The following BICC1 variants were observed in gnomAD, a reference collection of about 807,000 sequenced individuals.
BICC1 encodes the protein protein bicaudal C homolog 1.
BICC1 carries 43 observed loss-of-function variants against 111.0 expected under a neutral mutation model. The ratio of observed to expected loss-of-function variants is 0.39; its 90% confidence interval spans 0.30 to 0.50. The LOEUF is 0.50. Among genes scored for constraint, BICC1 ranks in the 20% least tolerant of loss-of-function variants. The pLI is 0.88. For missense variants in BICC1, 1,091 were observed against 1,203.2 expected (o/e 0.91, Z 1.38); for synonymous variants, 467 against 434.4 (o/e 1.07, Z -0.93).
chr10:58,599,277 A>G (rs1210568917), intron 1 of BICC1, among the ~76,000 whole-genome samples: 1 of 152,200 alleles, frequency 6.6e-6, no homozygotes, highest in Non-Finnish European at 1.5e-5. Flanking sequence ...TAGACTGGAT[A>G]AAGAAAATGT....
At chr10:58,635,708 T>G (rs904073007) in intron 2 of BICC1, among the ~76,000 whole-genome samples, 3 of 152,376 alleles carry the variant, frequency 2.0e-5, no homozygotes, top group African/African-American at 7.2e-5. Context: ...CCTACTGATA[T>G]AACTTTGTTT....
intron 20 of BICC1, among the ~76,000 whole-genome samples, chr10:58,827,794 A>G (rs1380298473): frequency 6.6e-6 from 1 of 152,144 alleles, no homozygotes; most frequent in Non-Finnish European, 1.5e-5. Flanking sequence ...ATTATGATGT[A>G]TTTTTGTAAA....
At chr10:58,564,188 T>C (rs1322066743) in intron 1 of BICC1, among the ~76,000 whole-genome samples, 1 of 152,218 alleles carries the variant, frequency 6.6e-6, no homozygotes, top group Non-Finnish European at 1.5e-5. Context: ...TTCTTGACTG[T>C]TTAAAAAATT....
intron 3 of BICC1, among the ~76,000 whole-genome samples, chr10:58,724,672 T>C (rs1197351198): frequency 6.6e-6 from 1 of 152,214 alleles, no homozygotes; most frequent in East Asian, 1.9e-4. Context: ...TTAGCCCTAC[T>C]TGCCCTGTCA....
At chr10:58,532,876 G>T (rs1366908974) in intron 1 of BICC1, among the ~76,000 whole-genome samples, 2 of 151,814 alleles carry the variant, frequency 1.3e-5, no homozygotes, top group Non-Finnish European at 2.9e-5. Context: ...AATTGTAACA[G>T]CAGATGAAAC....
chr10:58,518,578 GTA>G (rs1427324363), intron 1 of BICC1, among the ~76,000 whole-genome samples: 2 of 93,790 alleles, frequency 2.1e-5, no homozygotes, highest in East Asian at 3.5e-4. Context: ...AATCCTTTGT[GTA>G]TGTGTGTGTT....
intron 1 of BICC1, among the ~76,000 whole-genome samples, chr10:58,613,746 G>A (rs1845511962): frequency 6.6e-6 from 1 of 152,130 alleles, no homozygotes; most frequent in African/African-American, 2.4e-5. Flanking sequence ...TTGTGACTGT[G>A]AAAAACTCTC....
chr10:58,672,739 C>T (rs748057165), intron 2 of BICC1, among the ~76,000 whole-genome samples: 1 of 152,138 alleles, frequency 6.6e-6, no homozygotes, highest in Non-Finnish European at 1.5e-5. Context: ...AATGAATGCT[C>T]AGTGATAAAA....
intron 14 of BICC1, 133 bp downstream of exon 14, chr10:58,801,179 TA>T (rs938938445): frequency 6.5e-5 from 48 of 732,928 alleles, no homozygotes; most frequent in Admixed American, 2.0e-4. Context: ...TTAACTTTTT[TA>T]AAAAAAATAT....
chr10:58,591,721 C>T (rs1031874822), intron 1 of BICC1, among the ~76,000 whole-genome samples: 1 of 152,174 alleles, frequency 6.6e-6, no homozygotes, highest in African/African-American at 2.4e-5. Context: ...GTGCTGTGTG[C>T]TCTGTTCTCT....
intron 3 of BICC1, among the ~76,000 whole-genome samples, chr10:58,712,339 T>C (rs1375922959): frequency 6.6e-6 from 1 of 152,180 alleles, no homozygotes; most frequent in East Asian, 1.9e-4. Context: ...TGCAGCTGTC[T>C]CTCTCCTTGG....
chr10:58,548,051 TAATC>T (rs1475883017), intron 1 of BICC1, among the ~76,000 whole-genome samples: 1 of 152,260 alleles, frequency 6.6e-6, no homozygotes, highest in Non-Finnish European at 1.5e-5. Flanking sequence ...TTGTGTATAA[TAATC>T]TGTGTATGTT....
chr10:58,765,653 G>A (rs903037149), intron 3 of BICC1, among the ~76,000 whole-genome samples: 1 of 152,046 alleles, frequency 6.6e-6, no homozygotes. Context: ...CAACAATTTT[G>A]GACAGGCCAA....
At chr10:58,700,398 G>C (rs1032973952) in intron 2 of BICC1, among the ~76,000 whole-genome samples, 1 of 152,018 alleles carries the variant, frequency 6.6e-6, no homozygotes, top group South Asian at 2.1e-4. Context: ...AGTTGAGAAA[G>C]ATAACATTTT....
At chr10:58,716,191 G>A (rs867085179) in intron 3 of BICC1, 1 of 1,499,542 alleles carries the variant, frequency 6.7e-7, no homozygotes, top group Non-Finnish European at 9.1e-7. Flanking sequence ...AAGCAGTGAA[G>A]AACGAGAAAA....
intron 2 of BICC1, among the ~76,000 whole-genome samples, chr10:58,690,864 C>G (rs895874421): frequency 6.6e-6 from 1 of 152,130 alleles, no homozygotes; most frequent in Non-Finnish European, 1.5e-5. Context: ...ACTGGAGTAA[C>G]TAGTCTTATG....
rs1164840906 is a variant in BICC1 at position 58,828,925 on chromosome 10, T to C, written c.*34T>C. 4 of 1,612,114 alleles carry C rather than the reference T, an allele frequency of 2.5e-6. No homozygotes were observed. The highest frequency in any genetic ancestry group is 1.7e-6 in the Non-Finnish European group (2 of 1,178,958). On this transcript the variant is annotated 3_prime_UTR_variant, in exon 21 of 21. Transcript: ENST00000373886. ...TCTTGGCACATGCCCGCTGACTAAC[T>C]GTAAAGTGGACACAGGAGATGTATG...
chr10:58,748,321 A>T (rs1242457975), intron 3 of BICC1, among the ~76,000 whole-genome samples: 1 of 152,092 alleles, frequency 6.6e-6, no homozygotes, highest in Non-Finnish European at 1.5e-5. Flanking sequence ...AAGAAAGAAT[A>T]TATAGTATAA....
chr10:58,613,654 C>T (rs1845507686), intron 1 of BICC1, among the ~76,000 whole-genome samples: 1 of 151,976 alleles, frequency 6.6e-6, no homozygotes, highest in Admixed American at 6.5e-5. Context: ...GTGTTGGGTT[C>T]GGAGTGAAAT....
Sources: gnomAD v4.1 joint callset for allele counts (sites outside exome capture counted in the v4.1 genomes callset) on GRCh38, gnomAD v4.1.1 for gene constraint, MANE v1.5 for transcripts, NCBI Gene and HGNC (gene_info 2026-07-23, HGNC 2026-07-21) for gene names.